Variants in CLEC12A observed in about 807,000 individuals in gnomAD.
CLEC12A encodes the protein C-type lectin domain family 12 member A, also known as C-type lectin protein CLL-1.
Under a neutral mutation model 26.5 loss-of-function variants are expected in CLEC12A, and 22 were observed. The observed-to-expected ratio is 0.83, with a 90% CI of 0.59 to 1.19. CLEC12A has a LOEUF of 1.19. CLEC12A is among the 50% of genes most tolerant of loss of function. The pLI is 0.00. For synonymous variants in CLEC12A, 119 were observed against 101.9 expected (o/e 1.17, Z -1.01); for missense variants, 353 against 315.6 (o/e 1.12, Z -0.90).
At chr12:10,003,864 C>G in the CLEC12A span, among the ~76,000 whole-genome samples, 1 of 152,076 alleles carries the variant, frequency 6.6e-6, no homozygotes, top group Non-Finnish European at 1.5e-5. Flanking sequence ...TGCAATGAGC[C>G]AAAATTGTGC....
upstream of CLEC12A, among the ~76,000 whole-genome samples, chr12:9,969,950 A>G (rs566549516): frequency 1.4e-4 from 22 of 152,346 alleles, no homozygotes; most frequent in East Asian, 4.2e-3. Flanking sequence ...GGTGATAATA[A>G]TAGCACCTGG....
chr12:10,004,939 C>T, the CLEC12A span, among the ~76,000 whole-genome samples: 7 of 151,082 alleles, frequency 4.6e-5, no homozygotes, highest in Middle Eastern at 3.4e-3. Context: ...CGACAGGCCC[C>T]GGTGTGTGGT....
chr12:9,980,511 A>T, intron 3 of CLEC12A, 71 bp from the exon 4 acceptor site: 1 of 1,391,798 alleles, frequency 7.2e-7, no homozygotes, highest in Non-Finnish European at 9.9e-7. Flanking sequence ...TGTCACACAG[A>T]GAGGAAAGGA....
rs562646777 is a variant in CLEC12A, at chr12:9,959,440, G to A, written c.10+8084G>A. ...GCACTCCAGCCTGGGAGAGAAGAGCGAAACTCTGTCTCAAAAAAAAAAAAA... is the reference window on the plus strand; with the variant it reads ...GCACTCCAGCCTGGGAGAGAAGAGCAAAACTCTGTCTCAAAAAAAAAAAAA... On this transcript the variant is annotated intron_variant, in intron 1 of 6. Transcript: ENST00000355690. Among the ~76,000 whole-genome samples, 138 of 132,468 alleles carry A rather than the reference G, an allele frequency of 1.0e-3. 1 individual carries two copies. The highest frequency in any genetic ancestry group is 3.7e-3 in the African/African-American group (128 of 34,706). The allele number at this position is 132,468 out of a possible 152,430, so 86.9% of individuals were successfully genotyped here. A position where few individuals can be genotyped will look rare whatever the true frequency, so the allele number is the denominator to read the frequency against.
At chr12:9,983,201 A>G (rs577305162) in intron 5 of CLEC12A, among the ~76,000 whole-genome samples, 1 of 152,156 alleles carries the variant, frequency 6.6e-6, no homozygotes, top group Admixed American at 6.6e-5. Context: ...ATCAAATGGT[A>G]ATTCTATTTT....
downstream of CLEC12A, chr12:9,999,278 T>C: frequency 2.0e-6 from 1 of 493,246 alleles, no homozygotes. Flanking sequence ...AGCTTCTTCA[T>C]AGCTGCTCAG....
downstream of CLEC12A, chr12:9,997,393 A>G (rs1022182077): frequency 1.1e-6 from 1 of 870,594 alleles, no homozygotes; most frequent in Admixed American, 2.7e-5. Context: ...GGAGTTTACT[A>G]GATACACATG....
downstream of CLEC12A, among the ~76,000 whole-genome samples, chr12:9,997,538 A>C (rs1045434726): frequency 2.0e-5 from 3 of 152,180 alleles, no homozygotes; most frequent in African/African-American, 4.8e-5. Flanking sequence ...CATCGATAAC[A>C]TCCCCAGAGC....
intron 1 of CLEC12A, among the ~76,000 whole-genome samples, chr12:9,974,728 C>T (rs1864263607): frequency 6.6e-6 from 1 of 152,082 alleles, no homozygotes; most frequent in African/African-American, 2.4e-5. Flanking sequence ...CATATTGAAA[C>T]TCAGACACAG....
downstream of CLEC12A, chr12:9,996,964 C>T (rs367744891): frequency 4.0e-5 from 64 of 1,613,966 alleles, no homozygotes; most frequent in Non-Finnish European, 5.3e-5. Context: ...TCCATAATAT[C>T]TCCAGTTTGT....
intron 4 of CLEC12A, chr12:9,992,293 G>A (rs1318328365): frequency 6.6e-6 from 1 of 152,102 alleles, no homozygotes; most frequent in Non-Finnish European, 1.5e-5. Context: ...CAAACCCAGT[G>A]AGTTTTCTTG....
At chr12:9,996,988 C>A, downstream of CLEC12A, 1 of 1,613,966 alleles carries the variant, frequency 6.2e-7, no homozygotes, top group African/African-American at 1.3e-5. Flanking sequence ...ACAGGGGCTG[C>A]ATTTATGACC....
chr12:9,997,273 A>T, downstream of CLEC12A: 1 of 1,610,706 alleles, frequency 6.2e-7, no homozygotes, highest in Non-Finnish European at 8.5e-7. Flanking sequence ...ATTGCGCTGC[A>T]TGACAGCTAG....
downstream of CLEC12A, chr12:9,995,734 G>C (rs1441902359): frequency 5.0e-6 from 1 of 200,358 alleles, no homozygotes. Flanking sequence ...CATTTATGAT[G>C]TCTTTCTCAA....
At chr12:9,971,750 T>G in intron 1 of CLEC12A, 63 bp downstream of exon 1, 1 of 1,373,484 alleles carries the variant, frequency 7.3e-7, no homozygotes. Context: ...TAGACTTGCA[T>G]CTTCAATATT....
At chr12:9,997,178 C>T (rs1565571550), downstream of CLEC12A, 1 of 1,613,914 alleles carries the variant, frequency 6.2e-7, no homozygotes, top group Non-Finnish European at 8.5e-7. Flanking sequence ...CCCTTTAGTT[C>T]TGATTGTTTT....
rs199500633 is a variant in CLEC12A, at chr12:9,981,978, T to C, written c.532-42T>C. On this transcript the variant is annotated intron_variant, in intron 4 of 5. Coordinates refer to ENST00000304361, the MANE Select transcript of CLEC12A (RefSeq NM_138337.6). Reference sequence around the variant, plus strand: ...TACATTATAATGTAAAATACAAAAGTAGGAGACTGTTTCTTAAACAGACTA... The same window carrying C: ...TACATTATAATGTAAAATACAAAAGCAGGAGACTGTTTCTTAAACAGACTA... The C allele has an allele frequency of 4.4e-5, 43 of 980,804 alleles. No homozygotes were observed. The East Asian group carries it at 1.1e-3, about 24-fold the overall frequency. The allele number at this position is 980,804 out of a possible 1,614,324, so 60.8% of individuals were successfully genotyped here.
the CLEC12A span, among the ~76,000 whole-genome samples, chr12:10,002,023 G>C: frequency 2.0e-5 from 3 of 151,902 alleles, no homozygotes; most frequent in African/African-American, 7.3e-5. Context: ...GGGAGTACAG[G>C]CGCCCACCAC....
chr12:10,005,947 G>A, the CLEC12A span, among the ~76,000 whole-genome samples: 3 of 151,930 alleles, frequency 2.0e-5, no homozygotes, highest in Non-Finnish European at 4.4e-5. Context: ...CTTTAAAAGT[G>A]TCCTCTGAAA....
Sources: gnomAD v4.1 joint callset for allele counts (sites outside exome capture counted in the v4.1 genomes callset) on GRCh38, gnomAD v4.1.1 for gene constraint, MANE v1.5 for transcripts, NCBI Gene and HGNC (gene_info 2026-07-23, HGNC 2026-07-21) for gene names.